GPHN: variants seen among roughly 807,000 people sequenced by gnomAD.
The protein encoded by GPHN is gephyrin.
In GPHN, 17 loss-of-function variants were observed where a neutral mutation model predicts 95.5. The observed-to-expected ratio is 0.18, with a 90% CI of 0.12 to 0.27. GPHN has a LOEUF of 0.27. Ranked by LOEUF, GPHN falls within the 10% of genes least tolerant of loss-of-function variation. GPHN has a pLI of 1.00. For synonymous variants in GPHN, 320 were observed against 322.5 expected, an observed-to-expected ratio of 0.99 and a Z score of 0.08; for missense variants, 660 against 978.1, an observed-to-expected ratio of 0.67 and a Z score of 4.34.
chr14:67,537,218 C>A, the GPHN span, among the ~76,000 whole-genome samples: 2 of 138,738 alleles, frequency 1.4e-5, no homozygotes, highest in Non-Finnish European at 3.1e-5. Context: ...GTGGCATCCA[C>A]CTGTAATCCC....
chr14:66,800,872 T>C (rs1039524885), intron 3 of GPHN, among the ~76,000 whole-genome samples: 1 of 152,192 alleles, frequency 6.6e-6, no homozygotes, highest in South Asian at 2.1e-4. Flanking sequence ...CGTGTAGGCA[T>C]GTTTCTTATT....
the GPHN span, among the ~76,000 whole-genome samples, chr14:67,631,156 T>C: frequency 1.3e-5 from 2 of 152,184 alleles, no homozygotes; most frequent in Non-Finnish European, 2.9e-5. Context: ...TAGGTAGCCC[T>C]CTAGCTGTTG....
chr14:67,588,889 A>C, the GPHN span: 1 of 152,656 alleles, frequency 6.6e-6, no homozygotes, highest in Non-Finnish European at 1.5e-5. Flanking sequence ...TGATGAAAAA[A>C]GAAGCACATC....
At chr14:67,249,208 C>T in the GPHN span, among the ~76,000 whole-genome samples, 165 of 152,294 alleles carry the variant, frequency 1.1e-3, no homozygotes, top group African/African-American at 3.7e-3. Context: ...GTGATTTGCA[C>T]GTCTCGGCCT....
chr14:67,101,836 C>G (rs1049339331), intron 13 of GPHN, among the ~76,000 whole-genome samples: 8 of 148,110 alleles, frequency 5.4e-5, no homozygotes, highest in African/African-American at 2.0e-4. Flanking sequence ...TAACATATAT[C>G]ATTGGTTTAT....
intron 1 of GPHN, among the ~76,000 whole-genome samples, chr14:66,518,679 T>C (rs548872739): frequency 2.6e-4 from 39 of 152,202 alleles, no homozygotes; most frequent in African/African-American, 9.4e-4. Flanking sequence ...CTATCATTCA[T>C]GGCAACATGG....
intron 1 of GPHN, among the ~76,000 whole-genome samples, chr14:66,670,396 G>A (rs1057426477): frequency 6.6e-6 from 1 of 152,190 alleles, no homozygotes; most frequent in African/African-American, 2.4e-5. Flanking sequence ...TCTCTGGAAA[G>A]CCATAGGCAT....
At chr14:67,342,687 T>G in the GPHN span, among the ~76,000 whole-genome samples, 1 of 150,342 alleles carries the variant, frequency 6.7e-6, no homozygotes, top group East Asian at 1.9e-4. Flanking sequence ...ATAGTTAATA[T>G]AACAGTTAAT....
chr14:66,954,149 A>G (rs1309175291), intron 8 of GPHN, among the ~76,000 whole-genome samples: 1 of 152,130 alleles, frequency 6.6e-6, no homozygotes, highest in African/African-American at 2.4e-5. Flanking sequence ...GAATTTCAGG[A>G]TAGGTTTTTC....
At chr14:67,562,379 G>A in the GPHN span, 1 of 1,613,636 alleles carries the variant, frequency 6.2e-7, no homozygotes, top group Non-Finnish European at 8.5e-7. Context: ...TGGGGAAACA[G>A]TAGAGGCCAA....
rs1402855374 is a variant in GPHN, at chr14:66,586,896, A to T, written c.64+78305A>T. On this transcript the variant is annotated intron_variant, in intron 1 of 22. Coordinates refer to ENST00000478722, the MANE Select transcript of GPHN (RefSeq NM_020806.5). The stretch of plus-strand genomic sequence containing the variant: ...AGTTTATAGTAGCAAAGAAAAAAAC[A>T]AAGGTCAGAACAGAAATAAGTGAAA... Among the ~76,000 whole-genome samples the T allele has an allele frequency of 3.3e-5, 5 of 152,358 alleles. No homozygotes were observed. The East Asian group carries it at 9.6e-4, about 29-fold the overall frequency.
At chr14:67,684,031 C>T in the GPHN span, among the ~76,000 whole-genome samples, 1 of 152,172 alleles carries the variant, frequency 6.6e-6, no homozygotes, top group Non-Finnish European at 1.5e-5. Context: ...AATTCTGCTG[C>T]TTCAGGGCCT....
chr14:67,344,222 G>C, the GPHN span, among the ~76,000 whole-genome samples: 1 of 152,110 alleles, frequency 6.6e-6, no homozygotes. Flanking sequence ...GGACAACTTG[G>C]GTATGAGGAG....
chr14:67,634,333 C>A, the GPHN span, among the ~76,000 whole-genome samples: 3 of 151,746 alleles, frequency 2.0e-5, no homozygotes, highest in Non-Finnish European at 4.4e-5. Flanking sequence ...TGGCTCACAC[C>A]TGTAACCCCA....
the GPHN span, chr14:67,374,601 T>G: frequency 8.1e-7 from 1 of 1,235,184 alleles, no homozygotes; most frequent in East Asian, 2.4e-5. Flanking sequence ...TAATAAATAA[T>G]TTGAAATCTT....
the GPHN span, chr14:67,269,711 C>T: frequency 6.6e-6 from 1 of 152,516 alleles, no homozygotes; most frequent in Non-Finnish European, 1.5e-5. Context: ...AATAAGAAAG[C>T]CTTGAGTTTT....
At chr14:66,580,126 G>A (rs183493760) in intron 1 of GPHN, among the ~76,000 whole-genome samples, 38 of 151,640 alleles carry the variant, frequency 2.5e-4, no homozygotes, top group African/African-American at 8.9e-4. Flanking sequence ...ATAATCAGTG[G>A]GTCAAAGAAG....
At chr14:67,634,708 G>A in the GPHN span, among the ~76,000 whole-genome samples, 1 of 152,038 alleles carries the variant, frequency 6.6e-6, no homozygotes, top group Non-Finnish European at 1.5e-5. Context: ...CTTCAAGTAA[G>A]GCTGACCTCT....
At chr14:66,538,822 A>G (rs1186168139) in intron 1 of GPHN, among the ~76,000 whole-genome samples, 2 of 151,344 alleles carry the variant, frequency 1.3e-5, no homozygotes, top group Admixed American at 6.6e-5. Context: ...AAAACATACA[A>G]TATATGTTTT....
Sources: gnomAD v4.1 joint callset for allele counts (sites outside exome capture counted in the v4.1 genomes callset) on GRCh38, gnomAD v4.1.1 for gene constraint, MANE v1.5 for transcripts, NCBI Gene and HGNC (gene_info 2026-07-23, HGNC 2026-07-21) for gene names.